VEPH1: variants seen among roughly 807,000 people sequenced by gnomAD.
VEPH1 encodes ventricular zone-expressed PH domain-containing protein homolog 1.
A neutral mutation model predicts 85.2 loss-of-function variants in VEPH1; 80 were observed. The ratio of observed to expected loss-of-function variants is 0.94; its 90% confidence interval spans 0.78 to 1.13. VEPH1 has a LOEUF of 1.13. Ranked by LOEUF, VEPH1 falls within the 50% of genes most tolerant of loss-of-function variation. VEPH1 has a pLI of 0.00. For missense variants in VEPH1, 955 were observed against 980.5 expected, an observed-to-expected ratio of 0.97 and a Z score of 0.35; for synonymous variants, 297 against 348.0, an observed-to-expected ratio of 0.85 and a Z score of 1.63.
chr3:157,437,536 G>A, intron 4 of VEPH1: 1 of 1,606,120 alleles, frequency 6.2e-7, no homozygotes, highest in South Asian at 1.1e-5. Context: ...CTGCGGTCAG[G>A]AGCACTCGGA....
At chr3:157,473,787 A>G (rs1737201297) in intron 2 of VEPH1, among the ~76,000 whole-genome samples, 1 of 152,182 alleles carries the variant, frequency 6.6e-6, no homozygotes, top group Non-Finnish European at 1.5e-5. Context: ...TACAATATTA[A>G]AGAGGTATCA....
Position 157,289,507 on chromosome 3 carries a change from C to T in VEPH1, c.2011-2833G>A, listed in dbSNP as rs79467284. 1.9e-3 allele frequency among the ~76,000 whole-genome samples: 296 copies of T among 152,304 alleles called. 2 individuals carry two copies. The East Asian group carries it at 0.042, about 22-fold the overall frequency. On this transcript the variant is annotated intron_variant, in intron 11 of 13. Coordinates refer to ENST00000362010, the MANE Select transcript of VEPH1 (RefSeq NM_001167912.2). ...TAATAGCACACTTCGAATGGAAAGA[C>T]AGATGAAACACATATAGTTTCCAAT... is the stretch of plus-strand genomic sequence containing the variant.
At chr3:157,484,924 T>C (rs1027687229) in intron 2 of VEPH1, among the ~76,000 whole-genome samples, 7 of 152,208 alleles carry the variant, frequency 4.6e-5, no homozygotes, top group African/African-American at 1.7e-4. Flanking sequence ...GAAATTTCTT[T>C]CATCTATGCT....
chr3:157,442,693 G>C (rs1394598649), intron 4 of VEPH1: 25 of 1,614,106 alleles, frequency 1.5e-5, no homozygotes, highest in Non-Finnish European at 2.0e-5. Context: ...TGGGTAAATG[G>C]TGAACTGGCG....
chr3:157,374,453 G>T (rs1300891373), intron 7 of VEPH1, among the ~76,000 whole-genome samples: 2 of 152,200 alleles, frequency 1.3e-5, no homozygotes, highest in African/African-American at 4.8e-5. Context: ...TGCTTTCAAA[G>T]AATTAATTTC....
intron 2 of VEPH1, among the ~76,000 whole-genome samples, chr3:157,473,750 G>A (rs1397819532): frequency 6.6e-6 from 1 of 151,910 alleles, no homozygotes; most frequent in Non-Finnish European, 1.5e-5. Flanking sequence ...TGGCTTTTTG[G>A]GTGAGAGATT....
chr3:157,455,930 TG>T (rs1344769075), intron 4 of VEPH1, among the ~76,000 whole-genome samples: 1 of 152,238 alleles, frequency 6.6e-6, no homozygotes, highest in Non-Finnish European at 1.5e-5. Context: ...TATATTTCTT[TG>T]GGTATATACC....
intron 2 of VEPH1, among the ~76,000 whole-genome samples, chr3:157,474,104 T>A (rs909454435): frequency 1.3e-5 from 2 of 152,188 alleles, no homozygotes; most frequent in Non-Finnish European, 2.9e-5. Context: ...GCTAAGTCCA[T>A]AAAGGATTTT....
At chr3:157,438,491 C>A (rs1038066044) in intron 4 of VEPH1, among the ~76,000 whole-genome samples, 1 of 152,126 alleles carries the variant, frequency 6.6e-6, no homozygotes, top group Admixed American at 6.5e-5. Flanking sequence ...GAAGGGTCAG[C>A]GGAATTCTTC....
intron 12 of VEPH1, among the ~76,000 whole-genome samples, chr3:157,279,184 C>T (rs1577222047): frequency 6.6e-6 from 1 of 152,148 alleles, no homozygotes; most frequent in East Asian, 1.9e-4. Flanking sequence ...AGCGTTACTC[C>T]AACAATGACT....
chr3:157,428,006 T>C (rs1418043832), intron 5 of VEPH1, among the ~76,000 whole-genome samples: 5 of 152,184 alleles, frequency 3.3e-5, no homozygotes, highest in African/African-American at 4.8e-5. Context: ...AGCTGGAACA[T>C]TGGTCTTCTC....
intron 2 of VEPH1, among the ~76,000 whole-genome samples, chr3:157,487,887 T>A (rs1184160135): frequency 6.6e-6 from 1 of 152,124 alleles, no homozygotes; most frequent in Non-Finnish European, 1.5e-5. Flanking sequence ...GGGAACCTCC[T>A]TAATCTGATA....
intron 12 of VEPH1, among the ~76,000 whole-genome samples, chr3:157,283,487 T>A (rs1716399504): frequency 6.6e-6 from 1 of 152,192 alleles, no homozygotes; most frequent in Non-Finnish European, 1.5e-5. Context: ...ATCTGTACAT[T>A]ACTGGATAAA....
intron 3 of VEPH1, among the ~76,000 whole-genome samples, chr3:157,460,578 C>G (rs1482882529): frequency 6.6e-6 from 1 of 152,074 alleles, no homozygotes; most frequent in East Asian, 1.9e-4. Flanking sequence ...CTGATGACAG[C>G]CGAGATGGGC....
intron 6 of VEPH1, chr3:157,409,865 C>T (rs1731408058): frequency 1.0e-6 from 1 of 985,266 alleles, no homozygotes; most frequent in African/African-American, 1.7e-5. Flanking sequence ...ATTGCAAACC[C>T]ACAGGAGACT....
At chr3:157,314,330 CAAAAAAAAAAAAAAAAAAA>C in intron 10 of VEPH1, among the ~76,000 whole-genome samples, 2 of 43,200 alleles carry the variant, frequency 4.6e-5, no homozygotes, top group African/African-American at 5.0e-5. Context: ...GAGGATCCGT[CAAAAAAAAAAAAAAAAAAA>C]AAAAAAAAAA....
chr3:157,453,533 C>T (rs969975751), intron 4 of VEPH1, among the ~76,000 whole-genome samples: 5 of 152,052 alleles, frequency 3.3e-5, no homozygotes, highest in African/African-American at 9.7e-5. Context: ...TTGTAATTAT[C>T]ATCATCATCA....
At position 157,470,445 on chromosome 3, in the gene VEPH1, T is replaced by C. The variant is rs1040035311; in HGVS notation, c.223A>G (p.Ile75Val). ...ITTAIRETES[I>V]EKHAKALVGL... ...ACAAGGGCCTTTGCATGCTTTTCAATGGACTCGGTCTCTCTGATGGCTGTT... is the reference window on the plus strand; with the variant it reads ...ACAAGGGCCTTTGCATGCTTTTCAACGGACTCGGTCTCTCTGATGGCTGTT... Residue 75 changes from isoleucine to valine, a missense_variant, in exon 3 of 14, where the codon ATT (isoleucine) becomes GTT (valine). By Grantham distance (29) the Ile-to-Val change is conservative. Transcript: ENST00000362010. 1 of 1,614,222 alleles carries C rather than the reference T, an allele frequency of 6.2e-7. No homozygotes were observed. The highest frequency in any genetic ancestry group is 1.3e-5 in the African/African-American group (1 of 75,056).
chr3:157,424,468 T>C (rs1168649701), intron 5 of VEPH1, among the ~76,000 whole-genome samples: 2 of 152,076 alleles, frequency 1.3e-5, no homozygotes, highest in South Asian at 4.1e-4. Flanking sequence ...TTGGAACAGT[T>C]TGGAGGGCTC....
Sources: allele counts gnomAD v4.1 joint callset (sites outside exome capture counted in the v4.1 genomes callset), GRCh38; gene constraint gnomAD v4.1.1; transcripts MANE v1.5; gene names NCBI Gene and HGNC (gene_info 2026-07-23, HGNC 2026-07-21).